The following MICU3 variants were observed in gnomAD, a reference collection of about 807,000 sequenced individuals.
MICU3 encodes mitochondrial calcium uptake 3.
MICU3 carries 62 observed loss-of-function variants against 66.5 expected under a neutral mutation model. The observed-to-expected ratio is 0.93, with a 90% CI of 0.76 to 1.15. MICU3 has a LOEUF of 1.15. MICU3 is among the 50% of genes most tolerant of loss of function. The pLI is 0.00. For missense variants in MICU3, 779 were observed against 664.4 expected (o/e 1.17, Z -1.90); for synonymous variants, 308 against 240.7 (o/e 1.28, Z -2.59).
intron 1 of MICU3, among the ~76,000 whole-genome samples, chr8:17,048,679 G>A (rs1026116601): frequency 1.3e-5 from 2 of 152,122 alleles, no homozygotes; most frequent in Admixed American, 1.3e-4. Flanking sequence ...ATGGTGGTGT[G>A]ATCACCCCTC....
In MICU3 at chr8:17,104,461, A is replaced by G. The variant is rs755434329; in HGVS notation, c.1055A>G (p.Lys352Arg). Residue 352 changes from lysine (K) to arginine (R), a missense_variant, in exon 10 of 15, where the codon AAA (lysine) becomes AGA (arginine). Lys to Arg is a conservative substitution (Grantham distance 26). Transcript: ENST00000318063. ...LLVHFFGKKG[K>R]AELNFEDFYR... ...GTACACTTTTTTGGAAAGAAAGGAA[A>G]AGCTGAGCTCAACTTTGAAGATTTT... 17 of 1,462,398 alleles carry G rather than the reference A, an allele frequency of 1.2e-5. No homozygotes were observed. The African/African-American group carries it at 1.3e-4, about 11-fold the overall frequency. 90.6% of individuals were successfully genotyped at this position (1,462,398 alleles called of 1,614,324 possible). A position where few individuals can be genotyped will look rare whatever the true frequency, so the allele number is the denominator to read the frequency against.
chr8:17,103,753 A>G (rs1801486026), intron 9 of MICU3, among the ~76,000 whole-genome samples: 1 of 151,980 alleles, frequency 6.6e-6, no homozygotes, highest in Non-Finnish European at 1.5e-5. Context: ...ATCCTCTGGA[A>G]TTAATTTTTT....
At chr8:17,117,699 C>T (rs763967839) in intron 13 of MICU3, among the ~76,000 whole-genome samples, 2 of 151,404 alleles carry the variant, frequency 1.3e-5, no homozygotes, top group Non-Finnish European at 2.9e-5. Flanking sequence ...ACCTCCGCCT[C>T]CCGGGTTCAA....
intron 5 of MICU3, among the ~76,000 whole-genome samples, chr8:17,084,978 A>G (rs546705891): frequency 6.6e-6 from 1 of 152,106 alleles, no homozygotes; most frequent in Admixed American, 6.6e-5. Flanking sequence ...ACTTTGGATT[A>G]AAAAAGAGAA....
At chr8:17,123,368 A>G (rs1282476561), downstream of MICU3, among the ~76,000 whole-genome samples, 1 of 152,086 alleles carries the variant, frequency 6.6e-6, no homozygotes, top group Non-Finnish European at 1.5e-5. Flanking sequence ...GAAGAGAGAG[A>G]GGTGTACTTA....
intron 1 of MICU3, among the ~76,000 whole-genome samples, chr8:17,045,397 A>C (rs1814902204): frequency 6.6e-6 from 1 of 152,172 alleles, no homozygotes; most frequent in Non-Finnish European, 1.5e-5. Flanking sequence ...GGTCAAGAAG[A>C]ATCTGAACAG....
At chr8:17,041,404 G>C (rs1814066180) in intron 1 of MICU3, among the ~76,000 whole-genome samples, 1 of 152,170 alleles carries the variant, frequency 6.6e-6, no homozygotes, top group South Asian at 2.1e-4. Flanking sequence ...GTGTGCATTG[G>C]ATTTAGCAAC....
At chr8:17,039,775 C>G (rs1271188535) in intron 1 of MICU3, among the ~76,000 whole-genome samples, 1 of 150,404 alleles carries the variant, frequency 6.6e-6, no homozygotes, top group Non-Finnish European at 1.5e-5. Context: ...GATCATTAAA[C>G]AATGATATTA....
chr8:17,079,065 A>T (rs558967046), intron 4 of MICU3, among the ~76,000 whole-genome samples: 1 of 152,232 alleles, frequency 6.6e-6, no homozygotes, highest in South Asian at 2.1e-4. Flanking sequence ...AGAAGAAAGA[A>T]CCTTTTTTAA....
intron 7 of MICU3, 80 bp from the exon 8 acceptor site, chr8:17,090,466 C>G: frequency 7.9e-7 from 1 of 1,257,994 alleles, no homozygotes; most frequent in Admixed American, 2.1e-5. Context: ...ATTTTGTCGT[C>G]TTTTTCCTTT....
the MICU3 span, among the ~76,000 whole-genome samples, chr8:17,129,878 A>G: frequency 6.6e-6 from 1 of 152,224 alleles, no homozygotes; most frequent in Admixed American, 6.5e-5. Flanking sequence ...TTTCAGAGAC[A>G]AAAGATATAT....
At chr8:17,059,947 G>A (rs377189581) in intron 1 of MICU3, among the ~76,000 whole-genome samples, 1 of 152,082 alleles carries the variant, frequency 6.6e-6, no homozygotes, top group Non-Finnish European at 1.5e-5. Flanking sequence ...ATACTAGTAG[G>A]ATTTTTACAA....
At chr8:17,035,579 C>T (rs926279158) in intron 1 of MICU3, among the ~76,000 whole-genome samples, 1 of 152,104 alleles carries the variant, frequency 6.6e-6, no homozygotes, top group Non-Finnish European at 1.5e-5. Flanking sequence ...TGTCCCTGCC[C>T]TAGAGATTTG....
At chr8:17,137,244 T>G in the MICU3 span, among the ~76,000 whole-genome samples, 1 of 152,080 alleles carries the variant, frequency 6.6e-6, no homozygotes, top group Non-Finnish European at 1.5e-5. Flanking sequence ...CCATGAGGTA[T>G]GAATTATGTA....
chr8:17,113,249 G>C (rs1391724273), intron 11 of MICU3, among the ~76,000 whole-genome samples: 3 of 152,090 alleles, frequency 2.0e-5, no homozygotes, highest in Admixed American at 2.0e-4. Flanking sequence ...GAATTTGTTA[G>C]GCCTCAACTC....
At chr8:17,044,051 C>A (rs1042331183) in intron 1 of MICU3, among the ~76,000 whole-genome samples, 5 of 152,096 alleles carry the variant, frequency 3.3e-5, no homozygotes, top group African/African-American at 9.7e-5. Flanking sequence ...AGAATGCATA[C>A]TTAAGGTTCT....
At chr8:17,053,465 C>T (rs1244224183) in intron 1 of MICU3, among the ~76,000 whole-genome samples, 2 of 152,126 alleles carry the variant, frequency 1.3e-5, no homozygotes, top group Admixed American at 6.5e-5. Context: ...ACTCTGTTGC[C>T]TGAAGGCCCT....
intron 8 of MICU3, among the ~76,000 whole-genome samples, chr8:17,095,456 A>G (rs901559459): frequency 6.6e-6 from 1 of 151,926 alleles, no homozygotes; most frequent in Non-Finnish European, 1.5e-5. Flanking sequence ...GACACGAATT[A>G]TAAAGATATA....
chr8:17,043,129 C>T (rs1050509701), intron 1 of MICU3, among the ~76,000 whole-genome samples: 15 of 151,172 alleles, frequency 9.9e-5, no homozygotes, highest in African/African-American at 2.7e-4. Flanking sequence ...TTAGTAGAGA[C>T]GGGGTTTCAC....
Sources: allele counts gnomAD v4.1 joint callset (sites outside exome capture counted in the v4.1 genomes callset), GRCh38; gene constraint gnomAD v4.1.1; transcripts MANE v1.5; gene names NCBI Gene and HGNC (gene_info 2026-07-23, HGNC 2026-07-21).